PPP6R2: variants seen among roughly 807,000 people sequenced by gnomAD.
PPP6R2 encodes protein phosphatase 6 regulatory subunit 2.
In PPP6R2, 62 loss-of-function variants were observed where a neutral mutation model predicts 100.2. That is an observed-to-expected ratio of 0.62 (90% CI 0.50 to 0.76). The LOEUF (loss-of-function observed/expected upper bound fraction) is 0.76, where lower values mean the gene tolerates loss of function less well. Ranked by LOEUF, PPP6R2 falls within the 30% of genes least tolerant of loss-of-function variation. The probability of loss-of-function intolerance (pLI) is 0.00; values close to 1 mark genes in which losing one functional copy is unlikely to be tolerated. For synonymous variants in PPP6R2, 525 were observed against 514.7 expected (o/e 1.02, Z -0.27); for missense variants, 1,142 against 1,276.3 (o/e 0.89, Z 1.60).
intron 1 of PPP6R2, among the ~76,000 whole-genome samples, chr22:50,356,463 C>A (rs2046609995): frequency 6.6e-6 from 1 of 151,988 alleles, no homozygotes. Flanking sequence ...CCACCATGTC[C>A]AGCTAATTTT....
At position 50,410,469 on chromosome 22, in the gene PPP6R2, C is replaced by CTTTTT. The variant is rs200178930; in HGVS notation, c.414+3615_414+3619dup. Among the ~76,000 whole-genome samples the CTTTTT allele has an allele frequency of 4.6e-4, 48 of 103,364 alleles. 1 individual carries two copies. Among genetic ancestry groups the CTTTTT allele is most frequent in the Middle Eastern group, 5.9e-3 (1 of 170 alleles). The allele number at this position is 103,364 out of a possible 152,430, so 67.8% of individuals were successfully genotyped here. A position where few individuals can be genotyped will look rare whatever the true frequency, so the allele number is the denominator to read the frequency against. On this transcript the variant is annotated intron_variant, in intron 4 of 23. Coordinates refer to ENST00000612753, the MANE Select transcript of PPP6R2 (RefSeq NM_001242898.2). ...ATCTTTGTATTATTTTGAGTGGTGT[C>CTTTTT]TTTTTTTTTTTTTTTTTTTTTTTTT...
At chr22:50,353,944 G>A (rs1351074825) in intron 1 of PPP6R2, among the ~76,000 whole-genome samples, 4 of 151,906 alleles carry the variant, frequency 2.6e-5, no homozygotes, top group Non-Finnish European at 4.4e-5. Context: ...GAATTGTAAC[G>A]ATAACTGATT....
chr22:50,335,116 A>G, the PPP6R2 span, among the ~76,000 whole-genome samples: 2 of 150,636 alleles, frequency 1.3e-5, no homozygotes, highest in Non-Finnish European at 3.0e-5. Context: ...CAGTGGCGCA[A>G]TCTCGGCTCA....
the PPP6R2 span, among the ~76,000 whole-genome samples, chr22:50,337,424 GGTGT>G: frequency 2.9e-5 from 4 of 139,574 alleles, no homozygotes; most frequent in East Asian, 9.2e-4. Flanking sequence ...GTGTGTGTGG[GGTGT>G]GTGTGTGCGG....
intron 1 of PPP6R2, among the ~76,000 whole-genome samples, chr22:50,364,175 G>T (rs1337685329): frequency 6.6e-6 from 1 of 152,164 alleles, no homozygotes; most frequent in Non-Finnish European, 1.5e-5. Context: ...GGGATTACAG[G>T]CTTGAGTCAC....
At chr22:50,424,537 C>T (rs746467526) in intron 10 of PPP6R2, among the ~76,000 whole-genome samples, 4 of 150,396 alleles carry the variant, frequency 2.7e-5, no homozygotes, top group African/African-American at 9.8e-5. Flanking sequence ...CGTCTGTCAG[C>T]GTGTATGAGT....
chr22:50,358,990 G>GACCCCC (rs2047181298), intron 1 of PPP6R2, among the ~76,000 whole-genome samples: 1 of 42,670 alleles, frequency 2.3e-5, no homozygotes, highest in Non-Finnish European at 7.8e-5. Context: ...TAAAAGAACC[G>GACCCCC]CCCCCCCCCC....
At chr22:50,341,867 C>T (rs897997687), upstream of PPP6R2, among the ~76,000 whole-genome samples, 1 of 152,166 alleles carries the variant, frequency 6.6e-6, no homozygotes, top group Non-Finnish European at 1.5e-5. Context: ...GTGGCGGGCG[C>T]CTGTAGTCCC....
intron 22 of PPP6R2, chr22:50,443,189 A>G (rs1276569612): frequency 1.3e-5 from 2 of 152,312 alleles, no homozygotes; most frequent in African/African-American, 4.8e-5. Flanking sequence ...CTTCTCCTAA[A>G]CAACCCCTAA....
chr22:50,368,199 G>T (rs945884779), intron 1 of PPP6R2, among the ~76,000 whole-genome samples: 3 of 152,236 alleles, frequency 2.0e-5, no homozygotes, highest in African/African-American at 7.2e-5. Flanking sequence ...TCACAGAGAC[G>T]TTTACGCCTC....
chr22:50,426,973 G>A (rs964771792), intron 10 of PPP6R2, among the ~76,000 whole-genome samples: 2 of 151,984 alleles, frequency 1.3e-5, no homozygotes, highest in African/African-American at 4.8e-5. Flanking sequence ...TGGATCATGA[G>A]GTCAGGAGAT....
upstream of PPP6R2, among the ~76,000 whole-genome samples, chr22:50,340,000 CGT>C (rs1191692484): frequency 1.2e-4 from 6 of 52,034 alleles, no homozygotes; most frequent in East Asian, 6.4e-4. Flanking sequence ...TGTTATGTGG[CGT>C]GTGTGTGGTA....
intron 4 of PPP6R2, among the ~76,000 whole-genome samples, chr22:50,409,584 C>T (rs930628300): frequency 2.0e-5 from 3 of 152,114 alleles, no homozygotes; most frequent in East Asian, 1.9e-4. Context: ...TGCACCCCCA[C>T]GCCCAACTAA....
chr22:50,339,067 GTA>G (rs1451215694), upstream of PPP6R2, among the ~76,000 whole-genome samples: 1 of 136,098 alleles, frequency 7.3e-6, no homozygotes, highest in African/African-American at 2.9e-5. Flanking sequence ...GTGGTGTGGT[GTA>G]TGTGGTATGT....
chr22:50,356,382 G>A (rs2046587405), intron 1 of PPP6R2, among the ~76,000 whole-genome samples: 1 of 148,254 alleles, frequency 6.7e-6, no homozygotes, highest in African/African-American at 2.5e-5. Context: ...TGTCACAGAA[G>A]TCTCAACCTT....
chr22:50,359,031 C>T (rs1322934882), intron 1 of PPP6R2, among the ~76,000 whole-genome samples: 2 of 124,644 alleles, frequency 1.6e-5, no homozygotes, highest in Admixed American at 1.0e-4. Flanking sequence ...GACGGAGTCT[C>T]ACCCTATTGC....
Position 50,439,874 on chromosome 22 carries a change from C to A in PPP6R2, c.2285+17C>A. On this transcript the variant is annotated intron_variant, in intron 20 of 23. Coordinates refer to ENST00000612753, the MANE Select transcript of PPP6R2 (RefSeq NM_001242898.2). Reference sequence around the variant, plus strand: ...TTTCTGCTGGTAACAAATGCGCTGGCAGGAGGGGGCTGTGCCAGGAAGTGC... The same window carrying A: ...TTTCTGCTGGTAACAAATGCGCTGGAAGGAGGGGGCTGTGCCAGGAAGTGC... 1 of 1,609,402 alleles carries A rather than the reference C, an allele frequency of 6.2e-7. No individual in the cohort carries two copies. The highest frequency in any genetic ancestry group is 2.2e-5 in the East Asian group (1 of 44,762).
rs532518114 is a variant in PPP6R2, at chr22:50,379,089, A to G, written c.-17+6939A>G. 7.9e-5 allele frequency among the ~76,000 whole-genome samples: 12 copies of G among 152,264 alleles called. No individual in the cohort carries two copies. In the South Asian group the frequency reaches 2.5e-3, roughly 32 times the overall value. On this transcript the variant is annotated intron_variant, in intron 2 of 23. Coordinates refer to ENST00000612753, the MANE Select transcript of PPP6R2 (RefSeq NM_001242898.2). ...CTGCTGCCTTGGTTTTGGATTTCCC[A>G]TCTCCCAGAGCTGTGAGAAATAATT... is the stretch of plus-strand genomic sequence containing the variant.
At chr22:50,363,686 C>A (rs552340184) in intron 1 of PPP6R2, among the ~76,000 whole-genome samples, 3 of 152,210 alleles carry the variant, frequency 2.0e-5, no homozygotes, top group African/African-American at 7.2e-5. Flanking sequence ...CTCTTACGGA[C>A]GGACCTGGAG....
Sources: allele counts gnomAD v4.1 joint callset (sites outside exome capture counted in the v4.1 genomes callset), GRCh38; gene constraint gnomAD v4.1.1; transcripts MANE v1.5; gene names NCBI Gene and HGNC (gene_info 2026-07-23, HGNC 2026-07-21).